Variants in PLCE1 observed in about 807,000 individuals in gnomAD.
The protein encoded by PLCE1 is phospholipase C epsilon 1, also known as 1-phosphatidylinositol 4,5-bisphosphate phosphodiesterase epsilon-1.
A neutral mutation model predicts 242.8 loss-of-function variants in PLCE1; 119 were observed. The observed-to-expected ratio is 0.49, with a 90% CI of 0.42 to 0.57. The LOEUF (loss-of-function observed/expected upper bound fraction) is 0.57. PLCE1 is among the 20% of genes least tolerant of loss of function. The pLI, the probability that PLCE1 is intolerant of heterozygous loss-of-function variation, is 0.00. For synonymous variants in PLCE1, 945 were observed against 1,017.4 expected (o/e 0.93, Z 1.35); for missense variants, 2,441 against 2,788.8 (o/e 0.88, Z 2.81).
At chr10:94,220,039 C>T (rs1200881313) in intron 4 of PLCE1, among the ~76,000 whole-genome samples, 2 of 152,000 alleles carry the variant, frequency 1.3e-5, no homozygotes, top group African/African-American at 4.8e-5. Context: ...GCACCCACTT[C>T]ATGTCAAGGA....
chr10:94,271,845 G>T (rs1382009945), intron 18 of PLCE1, among the ~76,000 whole-genome samples: 1 of 152,182 alleles, frequency 6.6e-6, no homozygotes, highest in African/African-American at 2.4e-5. Flanking sequence ...CAGCTGGGCT[G>T]CTGGGGGCGA....
intron 11 of PLCE1, among the ~76,000 whole-genome samples, chr10:94,255,683 ATTACT>A (rs969410160): frequency 5.3e-5 from 8 of 152,188 alleles, no homozygotes; most frequent in African/African-American, 7.2e-5. Flanking sequence ...AGCTGGATAA[ATTACT>A]TTATAAGTTC....
rs191998057 is a variant in PLCE1 at position 94,331,399 on chromosome 10, G to C, written c.*3456G>C. On this transcript the variant is annotated 3_prime_UTR_variant, in exon 33 of 33. Transcript: ENST00000371380. ...CTGTCCTCTGCCCAGAGACCCACAG[G>C]CCTTGCTTAATTCTGGAAAGTTATC... The C allele has an allele frequency of 2.2e-4, 33 of 152,186 alleles. No homozygotes were observed. The highest frequency in any genetic ancestry group is 1.5e-3 in the Admixed American group (23 of 15,280). 9.4% of individuals were successfully genotyped at this position (152,186 alleles called of 1,614,324 possible).
In PLCE1 at chr10:94,252,422, C is replaced by A; in HGVS notation, c.3203C>A (p.Ala1068Asp). 1 of 1,614,010 alleles carries A rather than the reference C, an allele frequency of 6.2e-7. No individual in the cohort carries two copies. Residue 1068 changes from alanine (A) to aspartate (D), a missense_variant, in exon 9 of 33, where the codon GCT becomes GAT. Coordinates refer to ENST00000371380, the MANE Select transcript of PLCE1 (RefSeq NM_016341.4). ...NPSPGTSAKNAEKPNMQRNNT... is the reference protein window; with the variant it reads ...NPSPGTSAKNDEKPNMQRNNT... ...AGCCCCGGAACATCAGCAAAGAATG[C>A]TGAGAAGCCCAATATGCAGAGAAAC...
intron 2 of PLCE1, among the ~76,000 whole-genome samples, chr10:94,119,265 G>A (rs940054050): frequency 6.6e-6 from 1 of 152,046 alleles, no homozygotes; most frequent in African/African-American, 2.4e-5. Context: ...AAGAGAAGAG[G>A]CTGTGTCTTG....
At chr10:94,264,102 G>A (rs1029471233) in intron 14 of PLCE1, among the ~76,000 whole-genome samples, 2 of 152,134 alleles carry the variant, frequency 1.3e-5, no homozygotes, top group Admixed American at 6.6e-5. Context: ...ACAAAGATAC[G>A]ATGTAATTTC....
intron 13 of PLCE1, among the ~76,000 whole-genome samples, chr10:94,261,435 C>G (rs369801674): frequency 7.2e-5 from 11 of 152,246 alleles, no homozygotes; most frequent in African/African-American, 2.6e-4. Context: ...CAAGTTTTAG[C>G]AATTATGAAT....
At position 93,994,136 on chromosome 10, in the gene PLCE1, G is replaced by C. The variant is rs1452272734; in HGVS notation, c.-487G>C. ...TGGCTCCTGCGCGTTCCTGGGCATC[G>C]GCTCTGCAGCTGACACACAGTAGCG... On this transcript the variant is annotated 5_prime_UTR_variant, in exon 1 of 33. Coordinates refer to ENST00000371380, the MANE Select transcript of PLCE1 (RefSeq NM_016341.4). Among the ~76,000 whole-genome samples the C allele has an allele frequency of 6.6e-6, 1 of 152,070 alleles. No homozygotes were observed. Among genetic ancestry groups the C allele is most frequent in the Non-Finnish European group, 1.5e-5 (1 of 67,996 alleles).
At chr10:94,098,315 C>T (rs546776652) in intron 2 of PLCE1, among the ~76,000 whole-genome samples, 2 of 152,320 alleles carry the variant, frequency 1.3e-5, no homozygotes, top group African/African-American at 4.8e-5. Flanking sequence ...CTAGCTTCAA[C>T]ATTTATAAAC....
intron 2 of PLCE1, chr10:94,089,331 C>A (rs377715028): frequency 6.2e-7 from 1 of 1,613,572 alleles, no homozygotes; most frequent in Admixed American, 1.7e-5. Context: ...CCAATTTTAC[C>A]TTGTTAAAGG....
chr10:94,300,516 A>C (rs535688502), intron 24 of PLCE1, among the ~76,000 whole-genome samples: 1 of 152,314 alleles, frequency 6.6e-6, no homozygotes, highest in Admixed American at 6.5e-5. Context: ...ACATCTCCCC[A>C]TGTTGGACAA....
Position 94,284,846 on chromosome 10 carries a change from A to G in PLCE1, c.4918-2A>G. 1 of 1,502,810 alleles carries G rather than the reference A, an allele frequency of 6.7e-7. No individual in the cohort carries two copies. Among genetic ancestry groups the G allele is most frequent in the South Asian group, 1.1e-5 (1 of 88,696 alleles). 93.1% of individuals were successfully genotyped at this position (1,502,810 alleles called of 1,614,324 possible). ...AAAATGGTATCATTTTTCCCTTACC[A>G]GGTTTATGATATGGAACTGGGAGAA... is the stretch of plus-strand genomic sequence containing the variant. On this transcript the variant is annotated splice_acceptor_variant, in intron 21 of 32. Coordinates refer to ENST00000371380, the MANE Select transcript of PLCE1 (RefSeq NM_016341.4). LOFTEE classifies it high-confidence loss of function.
chr10:94,010,799 A>G (rs1206014894), intron 1 of PLCE1, among the ~76,000 whole-genome samples: 3 of 152,204 alleles, frequency 2.0e-5, no homozygotes, highest in Non-Finnish European at 4.4e-5. Context: ...TGCAGTTCCA[A>G]TAACTTCCTC....
chr10:94,290,255 C>T (rs117397068), intron 22 of PLCE1, among the ~76,000 whole-genome samples: 1,694 of 151,454 alleles, frequency 0.011, 16 homozygotes, highest in East Asian at 0.03. Context: ...ATCTCCTGGA[C>T]TGATCTGCCT....
intron 9 of PLCE1, among the ~76,000 whole-genome samples, chr10:94,253,420 C>G (rs2050951231): frequency 6.6e-6 from 1 of 152,120 alleles, no homozygotes; most frequent in Non-Finnish European, 1.5e-5. Flanking sequence ...GTGGTGTGAT[C>G]ATGGCTCACT....
At chr10:94,101,942 G>T (rs1360428633) in intron 2 of PLCE1, among the ~76,000 whole-genome samples, 1 of 152,180 alleles carries the variant, frequency 6.6e-6, no homozygotes, top group Non-Finnish European at 1.5e-5. Flanking sequence ...GGACCACAGG[G>T]GCTATGGGTC....
chr10:94,300,673 A>C (rs1021672468), intron 24 of PLCE1, among the ~76,000 whole-genome samples: 1 of 147,294 alleles, frequency 6.8e-6, no homozygotes, highest in Non-Finnish European at 1.5e-5. Context: ...GAGGCAGATT[A>C]TCTCTGTCAG....
chr10:94,256,329 A>C (rs1160448779), intron 11 of PLCE1, among the ~76,000 whole-genome samples: 2 of 134,386 alleles, frequency 1.5e-5, no homozygotes, highest in Admixed American at 7.2e-5. Context: ...GTCTCAAAAA[A>C]AAAAAAAAAA....
intron 1 of PLCE1, among the ~76,000 whole-genome samples, chr10:94,003,533 C>G (rs1564617935): frequency 1.3e-5 from 2 of 152,170 alleles, no homozygotes; most frequent in Non-Finnish European, 2.9e-5. Context: ...CTAGAAGCCA[C>G]TTGGATTTTA....
Sources: gnomAD v4.1 joint callset for allele counts (sites outside exome capture counted in the v4.1 genomes callset) on GRCh38, gnomAD v4.1.1 for gene constraint, MANE v1.5 for transcripts, NCBI Gene and HGNC (gene_info 2026-07-23, HGNC 2026-07-21) for gene names.